GALNT13: variants seen among roughly 807,000 people sequenced by gnomAD.
GALNT13 encodes the protein UDP-GalNAc:polypeptide N-acetylgalactosaminyltransferase 13.
GALNT13 carries 28 observed loss-of-function variants against 64.2 expected under a neutral mutation model. The observed-to-expected ratio is 0.44, with a 90% CI of 0.32 to 0.60. GALNT13 has a LOEUF of 0.60. Among genes scored for constraint, GALNT13 ranks in the 20% least tolerant of loss-of-function variants. The pLI is 0.05. For missense variants in GALNT13, 577 were observed against 669.8 expected, an observed-to-expected ratio of 0.86 and a Z score of 1.53; for synonymous variants, 214 against 224.6, an observed-to-expected ratio of 0.95 and a Z score of 0.42.
intron 9 of GALNT13, among the ~76,000 whole-genome samples, chr2:154,334,711 G>A (rs138621294): frequency 4.9e-4 from 74 of 152,026 alleles, no homozygotes; most frequent in African/African-American, 1.6e-3. Flanking sequence ...TCACTACATA[G>A]GTTTGGGCAA....
the GALNT13 span, among the ~76,000 whole-genome samples, chr2:153,850,958 C>T: frequency 6.6e-6 from 1 of 151,958 alleles, no homozygotes; most frequent in Admixed American, 6.6e-5. Flanking sequence ...GTTTCAACAC[C>T]CTTTTTTTCT....
the GALNT13 span, among the ~76,000 whole-genome samples, chr2:153,290,530 T>C: frequency 2.6e-5 from 4 of 152,302 alleles, 1 homozygote; most frequent in South Asian, 8.3e-4. Flanking sequence ...CACTAAACTG[T>C]CATTAAGCAC....
chr2:154,456,031 G>C (rs1198744326), downstream of GALNT13, among the ~76,000 whole-genome samples: 4 of 152,086 alleles, frequency 2.6e-5, no homozygotes, highest in Admixed American at 1.3e-4. Context: ...TTTTCATCAT[G>C]CATTCCATTG....
intron 2 of GALNT13, among the ~76,000 whole-genome samples, chr2:153,920,176 G>A (rs1270894197): frequency 1.3e-5 from 2 of 151,670 alleles, no homozygotes; most frequent in African/African-American, 4.8e-5. Context: ...ACATGACTTA[G>A]GTGTCATCAA....
chr2:153,168,359 T>C, the GALNT13 span, among the ~76,000 whole-genome samples: 8 of 152,344 alleles, frequency 5.3e-5, no homozygotes, highest in South Asian at 1.0e-3. Flanking sequence ...GTTGGAATTC[T>C]TACTGTTTCA....
chr2:153,335,561 G>A, the GALNT13 span, among the ~76,000 whole-genome samples: 56 of 152,282 alleles, frequency 3.7e-4, 1 homozygote, highest in Middle Eastern at 6.8e-3. Context: ...AGATGATTTA[G>A]GATATCTGGT....
At chr2:154,001,955 G>T (rs181351750) in intron 3 of GALNT13, among the ~76,000 whole-genome samples, 29 of 151,902 alleles carry the variant, frequency 1.9e-4, no homozygotes, top group Non-Finnish European at 3.5e-4. Context: ...AGGTTTTTTT[G>T]TGTGTGTGTT....
At chr2:154,398,783 G>A (rs1699169041) in intron 10 of GALNT13, among the ~76,000 whole-genome samples, 1 of 152,106 alleles carries the variant, frequency 6.6e-6, no homozygotes, top group Admixed American at 6.5e-5. Flanking sequence ...AAAACATCTA[G>A]CCCAATGCCT....
At chr2:153,367,545 T>C in the GALNT13 span, among the ~76,000 whole-genome samples, 1 of 152,090 alleles carries the variant, frequency 6.6e-6, no homozygotes. Flanking sequence ...TCAAAGGAGT[T>C]GTTACAATAA....
the GALNT13 span, among the ~76,000 whole-genome samples, chr2:153,317,507 A>C: frequency 6.6e-6 from 1 of 152,164 alleles, no homozygotes; most frequent in Non-Finnish European, 1.5e-5. Flanking sequence ...GATTCTTTTA[A>C]ATGAATGCTG....
At chr2:153,254,908 A>G in the GALNT13 span, among the ~76,000 whole-genome samples, 1 of 152,128 alleles carries the variant, frequency 6.6e-6, no homozygotes, top group Non-Finnish European at 1.5e-5. Context: ...CAATTTTGGA[A>G]TAGGTGTGGT....
At chr2:153,462,986 G>C in the GALNT13 span, among the ~76,000 whole-genome samples, 411 of 152,066 alleles carry the variant, frequency 2.7e-3, 18 homozygotes, top group East Asian at 0.073. Context: ...TGAAACATTT[G>C]TATACTGAAG....
the GALNT13 span, among the ~76,000 whole-genome samples, chr2:153,621,339 T>C: frequency 2.0e-5 from 3 of 152,136 alleles, no homozygotes; most frequent in African/African-American, 7.2e-5. Flanking sequence ...TTAATAAAAA[T>C]AATATGACCC....
the GALNT13 span, among the ~76,000 whole-genome samples, chr2:153,103,588 A>G: frequency 6.6e-6 from 1 of 152,252 alleles, no homozygotes; most frequent in Non-Finnish European, 1.5e-5. Context: ...TGGGATGTAC[A>G]GAGTGAATGA....
chr2:154,113,107 T>C (rs867628208), intron 3 of GALNT13, among the ~76,000 whole-genome samples: 1 of 152,164 alleles, frequency 6.6e-6, no homozygotes, highest in African/African-American at 2.4e-5. Context: ...ACATTCAGTT[T>C]CCACCAAAGC....
At chr2:153,568,307 T>C in the GALNT13 span, among the ~76,000 whole-genome samples, 1 of 152,220 alleles carries the variant, frequency 6.6e-6, no homozygotes. Context: ...AGCCTGGACC[T>C]GCTGGACTCA....
intron 4 of GALNT13, among the ~76,000 whole-genome samples, chr2:154,217,074 G>T (rs1188341103): frequency 6.6e-6 from 1 of 151,564 alleles, no homozygotes; most frequent in South Asian, 2.1e-4. Flanking sequence ...ATAACAGGCT[G>T]AGCCACCTCA....
At chr2:153,630,832 T>C in the GALNT13 span, among the ~76,000 whole-genome samples, 1 of 111,522 alleles carries the variant, frequency 9.0e-6, no homozygotes, top group Non-Finnish European at 1.8e-5. Flanking sequence ...TTTATTATAC[T>C]TTAAGTTCTA....
At chr2:154,182,778 C>T (rs1686035823) in intron 4 of GALNT13, among the ~76,000 whole-genome samples, 1 of 151,662 alleles carries the variant, frequency 6.6e-6, no homozygotes, top group South Asian at 2.1e-4. Flanking sequence ...CACAGTGACT[C>T]ATGACTAATC....
Sources: allele counts gnomAD v4.1 joint callset (sites outside exome capture counted in the v4.1 genomes callset), GRCh38; gene constraint gnomAD v4.1.1; transcripts MANE v1.5; gene names NCBI Gene and HGNC (gene_info 2026-07-23, HGNC 2026-07-21).